Variants in ROBO2 observed in about 807,000 individuals in gnomAD.
ROBO2 encodes roundabout homolog 2.
ROBO2 carries 53 observed loss-of-function variants against 160.8 expected under a neutral mutation model. That is an observed-to-expected ratio of 0.33 (90% CI 0.26 to 0.41). The LOEUF (loss-of-function observed/expected upper bound fraction) is 0.41. Ranked by LOEUF, ROBO2 falls within the 10% of genes least tolerant of loss-of-function variation. The pLI is 1.00. For missense variants in ROBO2, 1,577 were observed against 1,722.4 expected, an observed-to-expected ratio of 0.92 and a Z score of 1.49; for synonymous variants, 664 against 611.7, an observed-to-expected ratio of 1.09 and a Z score of -1.26.
intron 2 of ROBO2, among the ~76,000 whole-genome samples, chr3:76,210,709 G>A (rs1277544021): frequency 2.0e-5 from 3 of 151,992 alleles, no homozygotes; most frequent in Admixed American, 1.3e-4. Context: ...TTTTCAGTAG[G>A]CTGTGTGATT....
At chr3:76,475,703 A>G (rs2078898129) in intron 2 of ROBO2, among the ~76,000 whole-genome samples, 1 of 152,218 alleles carries the variant, frequency 6.6e-6, no homozygotes, top group African/African-American at 2.4e-5. Flanking sequence ...TTATTCTAAG[A>G]AGACGTGAAG....
intron 2 of ROBO2, among the ~76,000 whole-genome samples, chr3:77,357,686 A>G (rs1209354213): frequency 6.6e-6 from 1 of 152,194 alleles, no homozygotes; most frequent in Admixed American, 6.6e-5. Flanking sequence ...TGACTCCCTT[A>G]AAAGCTTGTA....
At chr3:76,595,940 GAC>G (rs887733365) in intron 2 of ROBO2, among the ~76,000 whole-genome samples, 1 of 152,026 alleles carries the variant, frequency 6.6e-6, no homozygotes, top group African/African-American at 2.4e-5. Flanking sequence ...TAATACATCA[GAC>G]CACAAAGGCA....
chr3:77,234,256 T>A (rs1288337680), intron 2 of ROBO2, among the ~76,000 whole-genome samples: 2 of 152,138 alleles, frequency 1.3e-5, no homozygotes, highest in Admixed American at 1.3e-4. Flanking sequence ...CCCCCTCCCA[T>A]CTCCCACGCC....
chr3:75,960,530 A>G (rs1267830089), intron 2 of ROBO2, among the ~76,000 whole-genome samples: 1 of 151,712 alleles, frequency 6.6e-6, no homozygotes, highest in Non-Finnish European at 1.5e-5. Flanking sequence ...ATAACTTCTA[A>G]TATTTTATCG....
chr3:76,329,254 T>C (rs1477114294), intron 2 of ROBO2, among the ~76,000 whole-genome samples: 2 of 152,190 alleles, frequency 1.3e-5, no homozygotes, highest in African/African-American at 4.8e-5. Flanking sequence ...AGTTTCGCTC[T>C]GTGGTCCAGG....
At chr3:76,398,332 G>C (rs1314401973) in intron 2 of ROBO2, among the ~76,000 whole-genome samples, 2 of 151,050 alleles carry the variant, frequency 1.3e-5, no homozygotes, top group Non-Finnish European at 2.9e-5. Context: ...TTGTGGGGTG[G>C]GGGGAGGAGG....
At chr3:76,738,690 A>G (rs2093753749) in intron 2 of ROBO2, among the ~76,000 whole-genome samples, 1 of 152,172 alleles carries the variant, frequency 6.6e-6, no homozygotes, top group African/African-American at 2.4e-5. Context: ...AGTGCTGGCA[A>G]TATATATGAG....
chr3:76,721,352 A>G (rs1401943169), intron 2 of ROBO2, among the ~76,000 whole-genome samples: 1 of 152,156 alleles, frequency 6.6e-6, no homozygotes, highest in Non-Finnish European at 1.5e-5. Flanking sequence ...CTTCCTATTA[A>G]TTATAAAGTA....
intron 2 of ROBO2, among the ~76,000 whole-genome samples, chr3:76,669,745 A>G (rs2092191788): frequency 6.6e-6 from 1 of 152,124 alleles, no homozygotes; most frequent in South Asian, 2.1e-4. Context: ...ATCTTTAACT[A>G]CTCTTAAGAG....
chr3:76,040,917 A>AG (rs1398671554), intron 2 of ROBO2, among the ~76,000 whole-genome samples: 1 of 151,852 alleles, frequency 6.6e-6, no homozygotes, highest in African/African-American at 2.4e-5. Context: ...TTGAACTGGG[A>AG]GGGGGAGGTT....
At chr3:76,395,170 A>G (rs1488100984) in intron 2 of ROBO2, among the ~76,000 whole-genome samples, 2 of 151,336 alleles carry the variant, frequency 1.3e-5, no homozygotes, top group East Asian at 1.9e-4. Flanking sequence ...GGATTAAGAA[A>G]CTCACTCAAA....
intron 2 of ROBO2, among the ~76,000 whole-genome samples, chr3:76,968,810 T>C (rs2059432495): frequency 6.6e-6 from 1 of 152,232 alleles, no homozygotes; most frequent in Non-Finnish European, 1.5e-5. Flanking sequence ...CATTCTCTGT[T>C]GTTATGTAGG....
At chr3:76,329,208 C>T (rs181933730) in intron 2 of ROBO2, among the ~76,000 whole-genome samples, 1 of 151,912 alleles carries the variant, frequency 6.6e-6, no homozygotes, top group South Asian at 2.1e-4. Flanking sequence ...TGAAGGAGCC[C>T]GGGACTTTTT....
At chr3:77,291,632 A>C (rs560218880) in intron 2 of ROBO2, among the ~76,000 whole-genome samples, 638 of 151,832 alleles carry the variant, frequency 4.2e-3, no homozygotes, top group African/African-American at 0.015. Context: ...TTAAATGGGT[A>C]AGCTGAGGCT....
intron 2 of ROBO2, among the ~76,000 whole-genome samples, chr3:75,957,211 G>T (rs574602183): frequency 7.1e-6 from 1 of 141,406 alleles, no homozygotes; most frequent in African/African-American, 2.6e-5. Flanking sequence ...CTGTATACAC[G>T]CACACACACA....
intron 2 of ROBO2, among the ~76,000 whole-genome samples, chr3:76,240,341 C>T (rs1453885508): frequency 6.6e-6 from 1 of 151,760 alleles, no homozygotes; most frequent in African/African-American, 2.4e-5. Context: ...CATGTGTTCT[C>T]ATTGTTCAAC....
At chr3:77,400,012 G>A (rs541573529) in intron 2 of ROBO2, among the ~76,000 whole-genome samples, 2 of 152,232 alleles carry the variant, frequency 1.3e-5, no homozygotes, top group South Asian at 4.2e-4. Flanking sequence ...GATTGTATAG[G>A]AAAAGGGTTT....
Position 76,131,534 on chromosome 3 carries a change from G to A in ROBO2, c.109+193932G>A, listed in dbSNP as rs150274582. Among the ~76,000 whole-genome samples, 38 of 152,164 alleles carry A rather than the reference G, an allele frequency of 2.5e-4. No individual in the cohort carries two copies. In the East Asian group the frequency reaches 5.4e-3, roughly 22 times the overall value. Reference sequence around the variant, plus strand: ...CTCACAGAGCAAGAGGCTGAACCACGGTAGGTGGTGAGGGAGTAGTTCCCT... The same window carrying A: ...CTCACAGAGCAAGAGGCTGAACCACAGTAGGTGGTGAGGGAGTAGTTCCCT... On this transcript the variant is annotated intron_variant, in intron 2 of 26. Coordinates refer to the ROBO2 transcript ENST00000487694.
Sources: allele counts gnomAD v4.1 joint callset (sites outside exome capture counted in the v4.1 genomes callset), GRCh38; gene constraint gnomAD v4.1.1; transcripts MANE v1.5; gene names NCBI Gene and HGNC (gene_info 2026-07-23, HGNC 2026-07-21).